The following DMD variants were observed in gnomAD, a reference collection of about 807,000 sequenced individuals.
DMD encodes the protein dystrophin.
In DMD, 63 loss-of-function variants were observed where a neutral mutation model predicts 330.1. That is an observed-to-expected ratio of 0.19 (90% CI 0.16 to 0.24). DMD has a LOEUF of 0.24. Among genes scored for constraint, DMD ranks in the 10% least tolerant of loss-of-function variants. The probability of loss-of-function intolerance (pLI) is 1.00; values close to 1 mark genes in which losing one functional copy is unlikely to be tolerated. For synonymous variants in DMD, 1,223 were observed against 959.8 expected, an observed-to-expected ratio of 1.27 and a Z score of -5.07; for missense variants, 3,344 against 2,684.1, an observed-to-expected ratio of 1.25 and a Z score of -5.43.
chrX:31,992,223 A>T (rs1402760958), intron 44 of DMD, among the ~76,000 whole-genome samples: 2 of 112,108 alleles, frequency 1.8e-5, no homozygotes, highest in Non-Finnish European at 3.8e-5. Flanking sequence ...TGAAGGATTT[A>T]TGTTGGAATG....
intron 48 of DMD, among the ~76,000 whole-genome samples, chrX:31,867,090 T>TTATA (rs1569487063): frequency 1.8e-5 from 1 of 56,854 alleles, no homozygotes; most frequent in African/African-American, 8.3e-5. Context: ...CAACATATTT[T>TTATA]GATATATATA....
chrX:31,324,035 G>A (rs1165488184), intron 61 of DMD, among the ~76,000 whole-genome samples: 1 of 110,932 alleles, frequency 9.0e-6, no homozygotes, highest in Admixed American at 9.6e-5. Context: ...TGACTGACTG[G>A]ATTTTATTAT....
intron 62 of DMD, among the ~76,000 whole-genome samples, chrX:31,302,495 CT>C (rs1322330393): frequency 1.8e-5 from 2 of 110,331 alleles, no homozygotes; most frequent in African/African-American, 6.6e-5. Context: ...GAGCTGGAAA[CT>C]ATAAGTGAAT....
At chrX:31,957,059 C>T (rs1227257305) in intron 45 of DMD, among the ~76,000 whole-genome samples, 2 of 111,560 alleles carry the variant, frequency 1.8e-5, no homozygotes, top group Non-Finnish European at 3.8e-5. Context: ...GGCCAGACGT[C>T]GTGGCACATG....
intron 1 of DMD, among the ~76,000 whole-genome samples, chrX:33,070,639 ATCTCTC>A (rs1291687487): frequency 6.1e-4 from 13 of 21,399 alleles, no homozygotes; most frequent in East Asian, 3.1e-3. Context: ...GTATCTATCC[ATCTCTC>A]TCTCTCTCTC....
intron 60 of DMD, among the ~76,000 whole-genome samples, chrX:31,352,823 C>T (rs1237144684): frequency 8.9e-6 from 1 of 112,054 alleles, no homozygotes; most frequent in Non-Finnish European, 1.9e-5. Context: ...CCAAAGTCCT[C>T]GAAAGCTTTA....
At chrX:32,568,620 AC>A (rs2149109554) in intron 15 of DMD, among the ~76,000 whole-genome samples, 1 of 111,883 alleles carries the variant, frequency 8.9e-6, no homozygotes, top group Non-Finnish European at 1.9e-5. Context: ...TGTCTGTATG[AC>A]AAAAACACTG....
In DMD at chrX:32,667,767, G is replaced by GTTTTT. The variant is rs201162726; in HGVS notation, c.961-22620_961-22616dup. The stretch of plus-strand genomic sequence containing the variant: ...AGTTCTCACCATTCTCTGCTTTTGT[G>GTTTTT]TTTTTTTTTTTTTTTTTTCCAGTTT... On this transcript the variant is annotated intron_variant, in intron 9 of 78. Transcript: ENST00000357033. 4.6e-3 allele frequency among the ~76,000 whole-genome samples: 379 copies of GTTTTT among 81,628 alleles called. 2 individuals are homozygous for GTTTTT. The highest frequency in any genetic ancestry group is 0.011 in the African/African-American group (213 of 19,806). 70.9% of individuals were successfully genotyped at this position (81,628 alleles called of 115,157 possible).
chrX:32,653,129 G>C (rs1470331533), intron 9 of DMD, among the ~76,000 whole-genome samples: 1 of 111,863 alleles, frequency 8.9e-6, no homozygotes, highest in East Asian at 2.8e-4. Flanking sequence ...TATGATGGTA[G>C]TTTCTTTTGC....
In DMD at chrX:32,392,250, A is replaced by C. The variant is rs1376700227; in HGVS notation, c.4234-2069T>G. On this transcript the variant is annotated intron_variant, in intron 30 of 78. Transcript: ENST00000357033. The stretch of plus-strand genomic sequence containing the variant: ...CTTCCAATGCGGTATGGCTTTATTT[A>C]TTTATTTAGTTAGTTATTTATGTTT... 2.7e-5 allele frequency among the ~76,000 whole-genome samples: 3 copies of C among 110,782 alleles called. No homozygotes were observed. In the Admixed American group the frequency reaches 2.9e-4, roughly 11 times the overall value.
chrX:31,530,257 T>A (rs1327598023), intron 55 of DMD, among the ~76,000 whole-genome samples: 14 of 112,175 alleles, frequency 1.2e-4, no homozygotes, highest in Non-Finnish European at 7.5e-5. Flanking sequence ...TTTCAATTTA[T>A]AAAGTCATGG....
In DMD at chrX:32,575,842, G is replaced by A. The variant is rs375597663; in HGVS notation, c.1603-1996C>T. ...TGAAGAAGACAGTCAAGGGAAGAAG[G>A]GACAAACTCAAGCTATAGCATCATA... On this transcript the variant is annotated intron_variant, in intron 13 of 78. Transcript: ENST00000357033. 7.2e-5 allele frequency among the ~76,000 whole-genome samples: 8 copies of A among 111,576 alleles called. No homozygotes were observed. In the East Asian group the frequency reaches 1.1e-3, roughly 16 times the overall value.
At chrX:32,605,336 A>T (rs1309499641) in intron 12 of DMD, among the ~76,000 whole-genome samples, 1 of 110,881 alleles carries the variant, frequency 9.0e-6, no homozygotes, top group Non-Finnish European at 1.9e-5. Flanking sequence ...ATTGTGCTGT[A>T]AATATTGGAT....
At chrX:32,442,779 C>G (rs772648015) in intron 27 of DMD, among the ~76,000 whole-genome samples, 2 of 110,568 alleles carry the variant, frequency 1.8e-5, no homozygotes, top group South Asian at 7.5e-4. Context: ...AATATACCGT[C>G]ATCTTTAAAC....
chrX:31,249,746 T>G (rs1035680430), intron 63 of DMD, among the ~76,000 whole-genome samples: 1 of 110,844 alleles, frequency 9.0e-6, no homozygotes, highest in Non-Finnish European at 1.9e-5. Context: ...TAGGTGTCTC[T>G]CACTATCTGA....
intron 1 of DMD, among the ~76,000 whole-genome samples, chrX:33,232,782 C>T (rs1161660088): frequency 9.0e-6 from 1 of 111,175 alleles, no homozygotes; most frequent in Non-Finnish European, 1.9e-5. Flanking sequence ...GTCCCAGCTA[C>T]TCAAGAGACT....
chrX:31,490,385 A>ACC (rs1464502143), intron 57 of DMD, among the ~76,000 whole-genome samples: 1 of 110,661 alleles, frequency 9.0e-6, no homozygotes, highest in Admixed American at 9.6e-5. Context: ...ACACGGTGAA[A>ACC]CCCCGTCTCT....
At chrX:31,212,328 A>C (rs1266994303) in intron 64 of DMD, among the ~76,000 whole-genome samples, 1 of 109,944 alleles carries the variant, frequency 9.1e-6, no homozygotes, top group Non-Finnish European at 1.9e-5. Context: ...ATTGAAGAAC[A>C]GGGACCATGT....
In DMD at chrX:32,807,122, T is replaced by TAAA. The variant is rs999286386; in HGVS notation, c.649+2368_649+2370dup. On this transcript the variant is annotated intron_variant, in intron 7 of 78. Coordinates refer to ENST00000357033, the MANE Select transcript of DMD (RefSeq NM_004006.3). The stretch of plus-strand genomic sequence containing the variant: ...CAGAACTGAAGGAGACGGAAACATT[T>TAAA]AAAAAAAAAAAAAAAAAAAAAAAAA... Among the ~76,000 whole-genome samples, 152 of 20,726 alleles carry TAAA rather than the reference T, an allele frequency of 7.3e-3. 4 individuals carry two copies. Among genetic ancestry groups the TAAA allele is most frequent in the African/African-American group, 0.027 (124 of 4,525 alleles). 18.0% of individuals were successfully genotyped at this position (20,726 alleles called of 115,157 possible).
Sources: gnomAD v4.1 joint callset for allele counts (sites outside exome capture counted in the v4.1 genomes callset) on GRCh38, gnomAD v4.1.1 for gene constraint, MANE v1.5 for transcripts, NCBI Gene and HGNC (gene_info 2026-07-23, HGNC 2026-07-21) for gene names.